RDH12: variants seen among roughly 807,000 people sequenced by gnomAD.
RDH12 encodes all-trans and 9-cis retinol dehydrogenase.
A neutral mutation model predicts 34.0 loss-of-function variants in RDH12; 21 were observed. The observed-to-expected ratio is 0.62, with a 90% CI of 0.44 to 0.89. The LOEUF (loss-of-function observed/expected upper bound fraction) is 0.89. Among genes scored for constraint, RDH12 ranks in the 40% least tolerant of loss-of-function variants. The pLI, the probability that RDH12 is intolerant of heterozygous loss-of-function variation, is 0.00. For missense variants in RDH12, 394 were observed against 398.6 expected, an observed-to-expected ratio of 0.99 and a Z score of 0.10; for synonymous variants, 198 against 169.9, an observed-to-expected ratio of 1.17 and a Z score of -1.29.
chr14:67,722,895 C>A (rs1331554690), intron 3 of RDH12, among the ~76,000 whole-genome samples, 185 bp downstream of exon 3: 1 of 152,200 alleles, frequency 6.6e-6, no homozygotes, highest in Admixed American at 6.5e-5. Flanking sequence ...CATCTGCGGC[C>A]GGGCAGAGGT....
intron 1 of RDH12, among the ~76,000 whole-genome samples, chr14:67,716,707 A>C (rs2038072679): frequency 6.6e-6 from 1 of 152,100 alleles, no homozygotes; most frequent in East Asian, 1.9e-4. Context: ...AACATGGTGA[A>C]ACCCCATCTC....
chr14:67,721,204 T>C (rs1361218551), intron 2 of RDH12, among the ~76,000 whole-genome samples: 1 of 152,190 alleles, frequency 6.6e-6, no homozygotes, highest in Non-Finnish European at 1.5e-5. Flanking sequence ...AAATTATTCC[T>C]GGGGTCCTGT....
intron 1 of RDH12, among the ~76,000 whole-genome samples, chr14:67,715,662 T>A (rs113208511): frequency 1.3e-5 from 2 of 152,386 alleles, no homozygotes; most frequent in African/African-American, 4.8e-5. Context: ...TTTTTGTAAG[T>A]ATCTTCTGAA....
At chr14:67,729,855 A>T (rs760686635) in intron 8 of RDH12, 4 of 457,502 alleles carry the variant, frequency 8.7e-6, no homozygotes, top group Non-Finnish European at 1.8e-5. Flanking sequence ...TTAGTGCTGA[A>T]TCTTATCATG....
rs1041435731 is a variant in RDH12 at position 67,722,647 on chromosome 14, T to C, written c.5T>C (p.Leu2Pro). 1.2e-6 allele frequency: 2 copies of C among 1,613,868 alleles called. No homozygotes were observed. Residue 2 changes from leucine to proline, a missense_variant, in exon 3 of 9, where the codon CTG becomes CCG. Leu to Pro is a moderately conservative substitution (Grantham distance 98). Coordinates refer to ENST00000551171, the MANE Select transcript of RDH12 (RefSeq NM_152443.3). ...GCAGCTACAGAAGTTGGAACGATGC[T>C]GGTCACCTTGGGACTGCTCACCTCC... M[L>P]VTLGLLTSFF...
At chr14:67,703,465 G>A (rs1388292419) in intron 1 of RDH12, among the ~76,000 whole-genome samples, 4 of 152,146 alleles carry the variant, frequency 2.6e-5, no homozygotes, top group South Asian at 2.1e-4. Context: ...ACTATAAACA[G>A]TGAGCTTTAT....
chr14:67,709,863 A>G (rs1448019501), intron 1 of RDH12, among the ~76,000 whole-genome samples: 4 of 152,206 alleles, frequency 2.6e-5, no homozygotes, highest in Non-Finnish European at 5.9e-5. Flanking sequence ...TGGGCCCCCA[A>G]AATCACTAAG....
At chr14:67,714,715 G>A (rs1401581098) in intron 1 of RDH12, 1 of 152,700 alleles carries the variant, frequency 6.5e-6, no homozygotes, top group Admixed American at 6.5e-5. Context: ...TGTTATCATG[G>A]TATTAGGGAC....
At chr14:67,708,317 T>C (rs1356357869) in intron 1 of RDH12, among the ~76,000 whole-genome samples, 1 of 152,220 alleles carries the variant, frequency 6.6e-6, no homozygotes. Context: ...CCTGTTCTGC[T>C]TGATATTCGT....
chr14:67,714,836 G>A (rs2038050688), intron 1 of RDH12: 1 of 152,250 alleles, frequency 6.6e-6, no homozygotes. Flanking sequence ...CCTGCACTGT[G>A]GTGAGGTGCT....
At chr14:67,733,133 TA>T (rs11333041) in intron 8 of RDH12, among the ~76,000 whole-genome samples, 78,776 of 150,830 alleles carry the variant, frequency 0.52, 21,775 homozygotes, top group Non-Finnish European at 0.63. Context: ...ATAATAAAAT[TA>T]AAAAAAACAA....
chr14:67,721,923 C>A (rs2038128986), intron 2 of RDH12, among the ~76,000 whole-genome samples: 1 of 152,126 alleles, frequency 6.6e-6, no homozygotes, highest in South Asian at 2.1e-4. Context: ...AAACACCATA[C>A]CTTTCCTTGT....
intron 1 of RDH12, among the ~76,000 whole-genome samples, chr14:67,718,458 A>G (rs772431828): frequency 1.3e-5 from 2 of 152,272 alleles, no homozygotes; most frequent in African/African-American, 4.8e-5. Flanking sequence ...AGGTCAAATC[A>G]GCAAGCAGCT....
intron 1 of RDH12, among the ~76,000 whole-genome samples, chr14:67,710,908 T>A (rs201052632): frequency 2.0e-5 from 3 of 152,206 alleles, no homozygotes; most frequent in African/African-American, 7.2e-5. Context: ...ACCTAGATTA[T>A]TTATGAAAAC....
intron 1 of RDH12, among the ~76,000 whole-genome samples, chr14:67,717,001 G>A (rs2038076158): frequency 6.6e-6 from 1 of 151,944 alleles, no homozygotes; most frequent in African/African-American, 2.4e-5. Context: ...TGAAATGCCT[G>A]TTTTACTTCC....
intron 1 of RDH12, among the ~76,000 whole-genome samples, chr14:67,716,403 C>T (rs1165926745): frequency 6.6e-6 from 1 of 152,078 alleles, no homozygotes; most frequent in African/African-American, 2.4e-5. Context: ...AAAAAAAATT[C>T]CATTTATGTT....
intron 1 of RDH12, among the ~76,000 whole-genome samples, chr14:67,708,192 C>T (rs908118416): frequency 6.6e-6 from 1 of 152,032 alleles, no homozygotes; most frequent in African/African-American, 2.4e-5. Context: ...CTGTAAATAG[C>T]TTAAAAGAAA....
At chr14:67,714,884 A>C (rs1477131956) in intron 1 of RDH12, 1 of 152,220 alleles carries the variant, frequency 6.6e-6, no homozygotes, top group Non-Finnish European at 1.5e-5. Context: ...AGCTTCTGCC[A>C]ACTCAAGGCA....
chr14:67,711,438 T>C (rs908949554), intron 1 of RDH12, among the ~76,000 whole-genome samples: 1 of 152,248 alleles, frequency 6.6e-6, no homozygotes, highest in African/African-American at 2.4e-5. Context: ...TTATTAAATA[T>C]TTTACTTAAG....
Sources: gnomAD v4.1 joint callset for allele counts (sites outside exome capture counted in the v4.1 genomes callset) on GRCh38, gnomAD v4.1.1 for gene constraint, MANE v1.5 for transcripts, NCBI Gene and HGNC (gene_info 2026-07-23, HGNC 2026-07-21) for gene names.